Variants in AAGAB observed in about 807,000 individuals in gnomAD.
The protein encoded by AAGAB is alpha and gamma adaptin binding protein.
Under a neutral mutation model 44.1 loss-of-function variants are expected in AAGAB, and 38 were observed. That is an observed-to-expected ratio of 0.86 (90% CI 0.67 to 1.13). The LOEUF is 1.13. Ranked by LOEUF, AAGAB falls within the 50% of genes most tolerant of loss-of-function variation. The probability of loss-of-function intolerance (pLI) is 0.00; values close to 1 mark genes in which losing one functional copy is unlikely to be tolerated. For synonymous variants in AAGAB, 131 were observed against 131.8 expected, an observed-to-expected ratio of 0.99 and a Z score of 0.04; for missense variants, 450 against 373.8, an observed-to-expected ratio of 1.20 and a Z score of -1.68.
At chr15:67,221,632 G>C (rs1365083460) in intron 5 of AAGAB, among the ~76,000 whole-genome samples, 2 of 152,148 alleles carry the variant, frequency 1.3e-5, no homozygotes, top group African/African-American at 4.8e-5. Flanking sequence ...CTCAATGGGA[G>C]CCAGGCAATC....
At chr15:67,222,766 G>A (rs770199274) in intron 5 of AAGAB, among the ~76,000 whole-genome samples, 7 of 151,960 alleles carry the variant, frequency 4.6e-5, no homozygotes, top group Non-Finnish European at 7.4e-5. Flanking sequence ...TTATGAACGC[G>A]CTGCTCTTGT....
At chr15:67,246,345 T>C (rs1029846763) in intron 1 of AAGAB, among the ~76,000 whole-genome samples, 17 of 150,806 alleles carry the variant, frequency 1.1e-4, no homozygotes, top group African/African-American at 4.2e-4. Context: ...TGAGCCGAGA[T>C]TGCACCACTG....
chr15:67,239,198 G>T (rs1964540464), intron 1 of AAGAB, among the ~76,000 whole-genome samples: 1 of 152,034 alleles, frequency 6.6e-6, no homozygotes, highest in Admixed American at 6.6e-5. Flanking sequence ...AAAAAATTGG[G>T]GTTATGCTTT....
intron 4 of AAGAB, chr15:67,232,485 AC>A: frequency 3.2e-6 from 1 of 312,136 alleles, no homozygotes; most frequent in Admixed American, 3.2e-5. Flanking sequence ...AAAGTTCATG[AC>A]CAACCAACTA....
intron 4 of AAGAB, chr15:67,232,425 G>A: frequency 4.9e-6 from 1 of 203,480 alleles, no homozygotes; most frequent in Non-Finnish European, 1.0e-5. Flanking sequence ...TTCCTCGGCT[G>A]TCTGAGGATT....
rs752166113 is a variant in AAGAB at position 67,236,491 on chromosome 15, T to C, written c.278A>G (p.Asp93Gly). The change falls in exon 3 of 10, where the codon GAT (aspartate) becomes GGT (glycine). Residue 93 changes from aspartate to glycine, a missense_variant. Transcript: ENST00000261880. ...YFDSTQKSGLDSVSSWLPLAK... is the reference protein window; with the variant it reads ...YFDSTQKSGLGSVSSWLPLAK... ...CAGTGGAAGCCATGAGGAGACACTA[T>C]CAAGGCCCGATTTCTAGAGGGAACA... 1.9e-6 allele frequency: 3 copies of C among 1,613,796 alleles called. No homozygotes were observed. The highest frequency in any genetic ancestry group is 1.3e-5 in the African/African-American group (1 of 74,836).
At chr15:67,253,668 C>T (rs575722021) in intron 1 of AAGAB, among the ~76,000 whole-genome samples, 1 of 150,612 alleles carries the variant, frequency 6.6e-6, no homozygotes, top group African/African-American at 2.4e-5. Flanking sequence ...GCAGGAGGAT[C>T]GCTTGAGCCC....
At chr15:67,242,291 C>G (rs571990289) in intron 1 of AAGAB, among the ~76,000 whole-genome samples, 1 of 132,382 alleles carries the variant, frequency 7.6e-6, no homozygotes, top group Non-Finnish European at 1.6e-5. Context: ...GGCGCGGTGG[C>G]GGGCGCCTGT....
intron 5 of AAGAB, 24 bp from the exon 6 acceptor site, chr15:67,209,568 T>G: frequency 6.3e-7 from 1 of 1,576,418 alleles, no homozygotes; most frequent in Non-Finnish European, 8.7e-7. Context: ...ATACACTTAG[T>G]GAAATTTGTC....
intron 5 of AAGAB, among the ~76,000 whole-genome samples, chr15:67,217,378 T>C (rs1381730129): frequency 6.6e-6 from 1 of 152,228 alleles, no homozygotes; most frequent in Non-Finnish European, 1.5e-5. Flanking sequence ...GATTCTCCTC[T>C]AACAAATTTG....
chr15:67,248,701 G>C lies in AAGAB; in HGVS notation c.73+5858C>G, dbSNP rs117560880. ...GAAACAAATTCCCAATCTTGCAGAA[G>C]AATGCATGTTTTCCAAAGAAGCAAT... On this transcript the variant is annotated intron_variant, in intron 1 of 9. Transcript: ENST00000261880. Among the ~76,000 whole-genome samples, 44 of 152,320 alleles carry C rather than the reference G, an allele frequency of 2.9e-4. No individual in the cohort carries two copies. In the East Asian group the frequency reaches 7.9e-3, roughly 27 times the overall value.
At chr15:67,226,063 G>C (rs745394589) in intron 5 of AAGAB, among the ~76,000 whole-genome samples, 3 of 151,984 alleles carry the variant, frequency 2.0e-5, no homozygotes, top group Non-Finnish European at 2.9e-5. Context: ...AGCCATCCTA[G>C]TAAGTGTGAA....
At chr15:67,250,259 C>G (rs112582956) in intron 1 of AAGAB, among the ~76,000 whole-genome samples, 2,195 of 152,258 alleles carry the variant, frequency 0.014, 25 homozygotes, top group Non-Finnish European at 0.021. Flanking sequence ...TCACTGCAAC[C>G]TCTGCCTGCT....
At chr15:67,230,713 G>C (rs1356415040) in intron 5 of AAGAB, among the ~76,000 whole-genome samples, 1 of 152,098 alleles carries the variant, frequency 6.6e-6, no homozygotes, top group Non-Finnish European at 1.5e-5. Context: ...ACAGTAAGAG[G>C]CCAGTGTGCA....
At position 67,204,104 on chromosome 15, in the gene AAGAB, T is replaced by TG. The variant is rs765401006; in HGVS notation, c.759dup (p.Thr254HisfsTer10). ...AAATTCTCCACATCTCCTCCTCCAG[T>TG]GGTAAGACTGGCTAATTCTTGAATA... On this transcript the variant is annotated frameshift_variant, in exon 8 of 10. Coordinates refer to ENST00000261880, the MANE Select transcript of AAGAB (RefSeq NM_024666.5). LOFTEE classifies it high-confidence loss of function. The TG allele has an allele frequency of 6.2e-6, 10 of 1,612,560 alleles. No individual in the cohort carries two copies. Among genetic ancestry groups the TG allele is most frequent in the Non-Finnish European group, 8.5e-6 (10 of 1,178,816 alleles).
At chr15:67,250,200 G>A (rs1480758113) in intron 1 of AAGAB, among the ~76,000 whole-genome samples, 1 of 152,020 alleles carries the variant, frequency 6.6e-6, no homozygotes, top group Non-Finnish European at 1.5e-5. Context: ...AGACTTTGAG[G>A]CAGGGTCCCA....
intron 1 of AAGAB, among the ~76,000 whole-genome samples, chr15:67,244,466 G>A (rs2140392455): frequency 6.6e-6 from 1 of 152,174 alleles, no homozygotes; most frequent in East Asian, 1.9e-4. Flanking sequence ...GAATATATAA[G>A]AACTTTTTCA....
chr15:67,237,487 A>G (rs1330143909), intron 1 of AAGAB, among the ~76,000 whole-genome samples: 1 of 152,242 alleles, frequency 6.6e-6, no homozygotes, highest in Non-Finnish European at 1.5e-5. Context: ...GTTTTAGATT[A>G]TAACTGAATC....
chr15:67,238,393 G>C (rs1364482065), intron 1 of AAGAB, among the ~76,000 whole-genome samples: 1 of 152,136 alleles, frequency 6.6e-6, no homozygotes, highest in African/African-American at 2.4e-5. Flanking sequence ...GACAATTTCA[G>C]GGGAAATAAA....
Sources: allele counts gnomAD v4.1 joint callset (sites outside exome capture counted in the v4.1 genomes callset), GRCh38; gene constraint gnomAD v4.1.1; transcripts MANE v1.5; gene names NCBI Gene and HGNC (gene_info 2026-07-23, HGNC 2026-07-21).